The following CACNA2D3 variants were observed in gnomAD, a reference collection of about 807,000 sequenced individuals.
CACNA2D3 encodes voltage-dependent calcium channel subunit alpha-2/delta-3.
Under a neutral mutation model 160.6 loss-of-function variants are expected in CACNA2D3, and 60 were observed. The ratio of observed to expected loss-of-function variants is 0.37; its 90% CI spans 0.30 to 0.46. The LOEUF is 0.46. Ranked by LOEUF, CACNA2D3 falls within the 20% of genes least tolerant of loss-of-function variation. The probability of loss-of-function intolerance (pLI) is 1.00; values close to 1 mark genes in which losing one functional copy is unlikely to be tolerated. For missense variants in CACNA2D3, 1,205 were observed against 1,365.0 expected (o/e 0.88, Z 1.85); for synonymous variants, 558 against 492.9 (o/e 1.13, Z -1.75).
chr3:54,253,193 ATTCT>A (rs138496486), intron 2 of CACNA2D3, among the ~76,000 whole-genome samples: 71 of 151,764 alleles, frequency 4.7e-4, no homozygotes, highest in African/African-American at 1.6e-3. Context: ...TGTGGTGTTA[ATTCT>A]TTCTGAGAGC....
intron 2 of CACNA2D3, among the ~76,000 whole-genome samples, chr3:54,252,862 A>G (rs1702222071): frequency 7.0e-6 from 1 of 143,294 alleles, no homozygotes; most frequent in African/African-American, 2.6e-5. Flanking sequence ...AGAGAAGTGC[A>G]GCAGGATTAA....
intron 2 of CACNA2D3, among the ~76,000 whole-genome samples, chr3:54,159,023 A>G (rs1428213351): frequency 1.3e-5 from 2 of 152,160 alleles, no homozygotes; most frequent in Non-Finnish European, 2.9e-5. Flanking sequence ...CTGCCCAGCA[A>G]TTGTATTGTT....
chr3:54,537,904 C>T (rs951533374), intron 5 of CACNA2D3, among the ~76,000 whole-genome samples: 8 of 152,170 alleles, frequency 5.3e-5, no homozygotes, highest in African/African-American at 1.9e-4. Flanking sequence ...TGAGACATCT[C>T]TGTTCGTTGC....
chr3:54,254,309 C>T (rs961007395), intron 2 of CACNA2D3, among the ~76,000 whole-genome samples: 1 of 152,140 alleles, frequency 6.6e-6, no homozygotes, highest in Non-Finnish European at 1.5e-5. Context: ...CATTATCTTA[C>T]AATCCAGTGC....
chr3:54,960,016 T>A (rs1443890715), intron 27 of CACNA2D3, among the ~76,000 whole-genome samples: 1 of 151,762 alleles, frequency 6.6e-6, no homozygotes, highest in Admixed American at 6.6e-5. Context: ...GAGGAAACAT[T>A]TATAATTGTC....
intron 13 of CACNA2D3, among the ~76,000 whole-genome samples, chr3:54,810,308 G>A (rs1198415739): frequency 1.3e-5 from 2 of 152,206 alleles, no homozygotes; most frequent in East Asian, 1.9e-4. Flanking sequence ...AGCAGCAGTG[G>A]TGGCATGGTG....
At chr3:54,419,917 C>CA (rs920796812) in intron 4 of CACNA2D3, among the ~76,000 whole-genome samples, 1 of 151,978 alleles carries the variant, frequency 6.6e-6, no homozygotes, top group Non-Finnish European at 1.5e-5. Context: ...AGGTGCGCGC[C>CA]ACCATGCCTG....
At chr3:54,850,614 T>C (rs79958211) in intron 17 of CACNA2D3, among the ~76,000 whole-genome samples, 1,734 of 152,264 alleles carry the variant, frequency 0.011, 37 homozygotes, top group African/African-American at 0.04. Flanking sequence ...GCTAAATTGA[T>C]TTCCTTCCCC....
At position 54,685,697 on chromosome 3, in the gene CACNA2D3, C is replaced by T. The variant is rs570139461; in HGVS notation, c.1167+43456C>T. On this transcript the variant is annotated intron_variant, in intron 11 of 37. Transcript: ENST00000474759. ...GCATTGTGGCTGACATCGTCCCTAC[C>T]TAGTAACTGTTCATGGCTAGCTATT... is the stretch of plus-strand genomic sequence containing the variant. Among the ~76,000 whole-genome samples the T allele has an allele frequency of 5.6e-4, 86 of 152,324 alleles. 1 individual carries two copies. The highest frequency in any genetic ancestry group is 4.3e-4 in the Non-Finnish European group (29 of 68,026).
Position 54,459,584 on chromosome 3 carries a change from C to G in CACNA2D3, c.382-43908C>G, listed in dbSNP as rs1303151783. Among the ~76,000 whole-genome samples, 12 of 152,236 alleles carry G rather than the reference C, an allele frequency of 7.9e-5. No homozygotes were observed. In the East Asian group the frequency reaches 1.5e-3, roughly 20 times the overall value. ...ATAAATGTCTTCTTTTGAGAAGTGT[C>G]TGTTCATATCCTTCGCCCACTTTCT... On this transcript the variant is annotated intron_variant, in intron 4 of 37. Transcript: ENST00000474759.
intron 27 of CACNA2D3, among the ~76,000 whole-genome samples, chr3:54,935,343 A>C (rs1701301887): frequency 6.6e-6 from 1 of 152,184 alleles, no homozygotes; most frequent in Non-Finnish European, 1.5e-5. Context: ...GTTGTCCTGC[A>C]CTCAGGACAT....
chr3:54,831,971 C>CT lies in CACNA2D3; in HGVS notation c.1399-5180dup, dbSNP rs1243571193. 1.1e-3 allele frequency among the ~76,000 whole-genome samples: 170 copies of CT among 149,988 alleles called. 2 individuals are homozygous for CT. Among genetic ancestry groups the CT allele is most frequent in the Middle Eastern group, 6.8e-3 (2 of 292 alleles). ...ACAGGTACCCTCCCGCCCTTTCCCT[C>CT]TTTTTTTTCCTCCCTCCCTCTTTAT... On this transcript the variant is annotated intron_variant, in intron 14 of 37. Coordinates refer to ENST00000474759, the MANE Select transcript of CACNA2D3 (RefSeq NM_018398.3).
chr3:54,463,673 A>G (rs1023626410), intron 4 of CACNA2D3, among the ~76,000 whole-genome samples: 11 of 151,794 alleles, frequency 7.2e-5, no homozygotes, highest in African/African-American at 2.2e-4. Context: ...ACATTCGTCT[A>G]AGTTTTTAAT....
intron 34 of CACNA2D3, among the ~76,000 whole-genome samples, chr3:55,015,264 C>T (rs1047734483): frequency 2.0e-5 from 3 of 152,096 alleles, no homozygotes; most frequent in African/African-American, 2.4e-5. Flanking sequence ...GCCAGACAGC[C>T]CAAGGTCAAA....
intron 4 of CACNA2D3, among the ~76,000 whole-genome samples, chr3:54,443,412 C>T (rs527442050): frequency 6.6e-6 from 1 of 152,276 alleles, no homozygotes; most frequent in South Asian, 2.1e-4. Flanking sequence ...ACATTTGTTG[C>T]AAAACTTATG....
chr3:54,481,069 C>A (rs1461638310), intron 4 of CACNA2D3, among the ~76,000 whole-genome samples: 1 of 152,096 alleles, frequency 6.6e-6, no homozygotes, highest in Non-Finnish European at 1.5e-5. Flanking sequence ...ATGCCTGCTT[C>A]CTGAGGGCCC....
At chr3:54,289,828 A>G (rs1275659366) in intron 2 of CACNA2D3, among the ~76,000 whole-genome samples, 1 of 152,088 alleles carries the variant, frequency 6.6e-6, no homozygotes, top group East Asian at 1.9e-4. Context: ...TATTTAATAA[A>G]TGGTGCTGGG....
intron 3 of CACNA2D3, among the ~76,000 whole-genome samples, chr3:54,383,479 T>G (rs2106652399): frequency 6.6e-6 from 1 of 152,312 alleles, no homozygotes; most frequent in Middle Eastern, 3.4e-3. Context: ...CAACCATTAC[T>G]TGTAGCTGCT....
At chr3:54,414,804 T>A (rs941414549) in intron 4 of CACNA2D3, among the ~76,000 whole-genome samples, 2 of 67,306 alleles carry the variant, frequency 3.0e-5, no homozygotes, top group Non-Finnish European at 5.9e-5. Context: ...CTTTTAACTT[T>A]TTTTTTTTTT....
Sources: gnomAD v4.1 joint callset for allele counts (sites outside exome capture counted in the v4.1 genomes callset) on GRCh38, gnomAD v4.1.1 for gene constraint, MANE v1.5 for transcripts, NCBI Gene and HGNC (gene_info 2026-07-23, HGNC 2026-07-21) for gene names.